ZNF317: variants seen among roughly 807,000 people sequenced by gnomAD.
ZNF317 encodes zinc finger protein 317.
In ZNF317, 17 loss-of-function variants were observed where a neutral mutation model predicts 23.4. The observed-to-expected ratio is 0.73, with a 90% CI of 0.50 to 1.09. The LOEUF is 1.09. ZNF317 is among the 50% of genes least tolerant of loss of function. The pLI, the probability that ZNF317 is intolerant of heterozygous loss-of-function variation, is 0.00. For missense variants in ZNF317, 679 were observed against 796.7 expected, an observed-to-expected ratio of 0.85 and a Z score of 1.78; for synonymous variants, 317 against 314.9, an observed-to-expected ratio of 1.01 and a Z score of -0.07.
At chr19:9,150,398 T>C (rs1379867096) in intron 1 of ZNF317, among the ~76,000 whole-genome samples, 1 of 152,194 alleles carries the variant, frequency 6.6e-6, no homozygotes, top group Non-Finnish European at 1.5e-5. Flanking sequence ...TGAGTTTTGA[T>C]GAACTGACTC....
intron 6 of ZNF317, among the ~76,000 whole-genome samples, chr19:9,159,739 G>A (rs1004485394): frequency 3.3e-5 from 5 of 151,120 alleles, no homozygotes; most frequent in East Asian, 2.0e-4. Context: ...TAGAGACAGC[G>A]TTTCACCATG....
intron 1 of ZNF317, among the ~76,000 whole-genome samples, chr19:9,147,330 G>GTTTTTTTTTTTTTTTTTTTT (rs35259257): frequency 2.7e-5 from 3 of 110,158 alleles, no homozygotes; most frequent in African/African-American, 1.2e-4. Context: ...AATGACACTG[G>GTTTTTTTTTTTTTTTTTTTT]TTTTTTTTTT....
At position 9,160,280 on chromosome 19, in the gene ZNF317, A is replaced by C. The variant is rs2050833927; in HGVS notation, c.635A>C (p.His212Pro). Reference protein sequence around the residue: ...AFKGRPHLTQHMSMYDGRKMH... With the variant: ...AFKGRPHLTQPMSMYDGRKMH... ...AAGGGCAGGCCGCACCTCACTCAGC[A>C]CATGAGCATGTACGACGGGAGAAAA... The change falls in exon 7 of 7, where the codon CAC becomes CCC. Residue 212 changes from histidine (H) to proline (P), a missense_variant. Transcript: ENST00000247956. The surrounding 1 kb of genome is among the most constrained non-coding windows in gnomAD (Gnocchi z 6.8). 1 of 1,614,222 alleles carries C rather than the reference A, an allele frequency of 6.2e-7. No homozygotes were observed. Among genetic ancestry groups the C allele is most frequent in the East Asian group, 2.2e-5 (1 of 44,880 alleles).
In ZNF317 at chr19:9,140,478, G is replaced by A. The variant is rs1159669431; in HGVS notation, c.-207G>A. On this transcript the variant is annotated 5_prime_UTR_variant, in exon 1 of 7. Transcript: ENST00000247956. ...GGAGGGGTCAGCGGCGAATTCTTTC[G>A]GCCTGTTGGGGACCCCTCGTGTCCC... 2.2e-6 allele frequency: 1 copy of A among 456,010 alleles called. No individual in the cohort carries two copies. The highest frequency in any genetic ancestry group is 4.4e-6 in the Non-Finnish European group (1 of 226,762). 28.2% of individuals were successfully genotyped at this position (456,010 alleles called of 1,614,324 possible).
chr19:9,153,926 C>T (rs917323405), intron 1 of ZNF317, among the ~76,000 whole-genome samples: 3 of 152,132 alleles, frequency 2.0e-5, no homozygotes, highest in East Asian at 1.9e-4. Flanking sequence ...AGTTTTTGCT[C>T]GGAAGGGGGC....
chr19:9,160,655 A>T lies in ZNF317; in HGVS notation c.1010A>T (p.His337Leu), dbSNP rs562142846. The T allele has an allele frequency of 3.1e-6, 5 of 1,614,138 alleles. No individual in the cohort carries two copies. In the Admixed American group the frequency reaches 8.3e-5, roughly 27 times the overall value. The change falls in exon 7 of 7, where the codon CAC (histidine) becomes CTC (leucine). Residue 337 changes from histidine to leucine, a missense_variant. Coordinates refer to ENST00000247956, the MANE Select transcript of ZNF317 (RefSeq NM_020933.5). This position sits in a 1 kb window ranked among gnomAD's most constrained non-coding sequence, Gnocchi z 6.8. Reference sequence around the variant, plus strand: ...ACCGGAGAGAGGCCCTACGAGTGTCACGACTGTGGGAAAGCTTTCCAGCAC... The same window carrying T: ...ACCGGAGAGAGGCCCTACGAGTGTCTCGACTGTGGGAAAGCTTTCCAGCAC... ...THTGERPYEC[H>L]DCGKAFQHPS...
intron 1 of ZNF317, among the ~76,000 whole-genome samples, chr19:9,151,271 T>G (rs2050733636): frequency 6.6e-6 from 1 of 152,324 alleles, no homozygotes; most frequent in African/African-American, 2.4e-5. Flanking sequence ...CATCTTTGAG[T>G]TGGCCCAAGA....
intron 1 of ZNF317, among the ~76,000 whole-genome samples, chr19:9,143,654 C>T (rs2050654671): frequency 1.1e-5 from 1 of 93,728 alleles, no homozygotes; most frequent in Non-Finnish European, 2.1e-5. Flanking sequence ...CATGTTCAAT[C>T]TGCACATAGT....
intron 1 of ZNF317, among the ~76,000 whole-genome samples, chr19:9,147,570 C>T (rs2050697086): frequency 2.0e-5 from 3 of 152,064 alleles, no homozygotes; most frequent in Admixed American, 2.0e-4. Context: ...ATCTCCTGAC[C>T]TCATGATCCG....
intron 1 of ZNF317, among the ~76,000 whole-genome samples, chr19:9,150,767 G>C (rs1358702458): frequency 6.6e-6 from 1 of 152,186 alleles, no homozygotes; most frequent in African/African-American, 2.4e-5. Context: ...GGCAAAGGAA[G>C]GGTCAAGATG....
rs2050856349 is a variant in ZNF317, at chr19:9,161,456, G to A, written c.*23G>A. ...TGAGCGCGCCTGCTTTAGAGACACA[G>A]GATGATTCAGACCGGAAACAGACCT... On this transcript the variant is annotated 3_prime_UTR_variant, in exon 7 of 7. Coordinates refer to ENST00000247956, the MANE Select transcript of ZNF317 (RefSeq NM_020933.5). The surrounding 1 kb of genome is among the most constrained non-coding windows in gnomAD (Gnocchi z 4.0). 4.4e-6 allele frequency: 7 copies of A among 1,588,970 alleles called. No individual in the cohort carries two copies. The East Asian group carries it at 1.6e-4, about 36-fold the overall frequency.
At chr19:9,141,059 ATTTAT>A (rs1177847272) in intron 1 of ZNF317, among the ~76,000 whole-genome samples, 1 of 148,428 alleles carries the variant, frequency 6.7e-6, no homozygotes, top group Non-Finnish European at 1.5e-5. Flanking sequence ...GCACTTTTTT[ATTTAT>A]TTTAATTTTA....
At chr19:9,155,169 T>C (rs1481698642) in intron 1 of ZNF317, among the ~76,000 whole-genome samples, 1 of 152,144 alleles carries the variant, frequency 6.6e-6, no homozygotes, top group African/African-American at 2.4e-5. Context: ...TCCCAATCCG[T>C]GGTTCACTGT....
chr19:9,158,363 CT>C (rs200591339), intron 5 of ZNF317, among the ~76,000 whole-genome samples: 523 of 76,494 alleles, frequency 6.8e-3, no homozygotes, highest in African/African-American at 0.022. Flanking sequence ...TTTCTTTTTT[CT>C]TTTTTTTTTT....
Position 9,156,668 on chromosome 19 carries a change from A to G in ZNF317, c.82A>G (p.Lys28Glu), listed in dbSNP as rs774458259. 2.5e-6 allele frequency: 4 copies of G among 1,614,148 alleles called. No homozygotes were observed. The highest frequency in any genetic ancestry group is 1.7e-5 in the Admixed American group (1 of 60,008). Reference protein sequence around the residue: ...LQDSEFPVSSKDHSCPQNLDL... With the variant: ...LQDSEFPVSSEDHSCPQNLDL... The stretch of plus-strand genomic sequence containing the variant: ...GGACTCAGAATTTCCTGTTTCTTCA[A>G]AAGACCATTCCTGTCCCCAGAATTT... The change falls in exon 3 of 7, where the codon AAA becomes GAA. Residue 28 changes from lysine to glutamate, a missense_variant. Lys to Glu is a moderately conservative substitution (Grantham distance 56, BLOSUM62 1). Coordinates refer to ENST00000247956, the MANE Select transcript of ZNF317 (RefSeq NM_020933.5).
In ZNF317 at chr19:9,160,249, G is replaced by T; in HGVS notation, c.604G>T (p.Ala202Ser). 6.2e-7 allele frequency: 1 copy of T among 1,614,194 alleles called. No homozygotes were observed. The highest frequency in any genetic ancestry group is 1.6e-4 in the Middle Eastern group (1 of 6,062). ...CTATCACCGCCGCGACTATGGGGTA[G>T]CGTTCAAGGGCAGGCCGCACCTCAC... is the stretch of plus-strand genomic sequence containing the variant. The part of the protein sequence containing the change: ...RPYHRRDYGV[A>S]FKGRPHLTQH... Residue 202 changes from alanine to serine, a missense_variant, in exon 7 of 7, where the codon GCG becomes TCG. Coordinates refer to ENST00000247956, the MANE Select transcript of ZNF317 (RefSeq NM_020933.5). The surrounding 1 kb of genome is among the most constrained non-coding windows in gnomAD (Gnocchi z 6.8).
rs117797486 is a variant in ZNF317 at position 9,157,245 on chromosome 19, C to T, written c.163-23C>T. Reference sequence around the variant, plus strand: ...ATCGTTAGGCTGGTTCCTCGCTGACCCCAAGTTTGTGTGGCGTTCCAGGAA... The same window carrying T: ...ATCGTTAGGCTGGTTCCTCGCTGACTCCAAGTTTGTGTGGCGTTCCAGGAA... On this transcript the variant is annotated intron_variant, in intron 3 of 6. Coordinates refer to ENST00000247956, the MANE Select transcript of ZNF317 (RefSeq NM_020933.5). 754 of 1,612,458 alleles carry T rather than the reference C, an allele frequency of 4.7e-4. 1 individual carries two copies. Among genetic ancestry groups the T allele is most frequent in the Non-Finnish European group, 6.1e-4 (719 of 1,179,144 alleles).
intron 1 of ZNF317, among the ~76,000 whole-genome samples, chr19:9,150,820 T>A (rs544125475): frequency 1.3e-5 from 2 of 152,162 alleles, no homozygotes; most frequent in African/African-American, 4.8e-5. Flanking sequence ...ACAGGTGACA[T>A]AGGTCACTTT....
chr19:9,161,073 C>T lies in ZNF317; in HGVS notation c.1428C>T (p.Cys476=), dbSNP rs200506167. The change falls in exon 7 of 7, where the codon TGC becomes TGT. Residue 476 remains cysteine (C), a synonymous_variant. Coordinates refer to ENST00000247956, the MANE Select transcript of ZNF317 (RefSeq NM_020933.5). The surrounding 1 kb of genome is among the most constrained non-coding windows in gnomAD (Gnocchi z 4.0). ...KIHTQERRYE[C]AACGKVFGDY... is the part of the protein sequence containing the mutation. ...ACACGCAAGAGAGACGCTACGAATG[C>T]GCCGCCTGCGGGAAAGTCTTCGGTG... 50 of 1,614,150 alleles carry T rather than the reference C, an allele frequency of 3.1e-5. No homozygotes were observed. In the East Asian group the frequency reaches 8.9e-4, roughly 29 times the overall value.
Sources: gnomAD v4.1 joint callset for allele counts (sites outside exome capture counted in the v4.1 genomes callset) on GRCh38, gnomAD v4.1.1 for gene constraint, Gnocchi (gnomAD v3.1) non-coding constraint, MANE v1.5 for transcripts, NCBI Gene and HGNC (gene_info 2026-07-23, HGNC 2026-07-21) for gene names.